IRAK4: variants seen among roughly 807,000 people sequenced by gnomAD.
IRAK4 encodes the protein interleukin 1 receptor associated kinase 4, also known as interleukin-1 receptor-associated kinase 4.
In IRAK4, 44 loss-of-function variants were observed where a neutral mutation model predicts 51.8. The observed-to-expected ratio is 0.85, with a 90% CI of 0.67 to 1.09. The LOEUF is 1.09. Ranked by LOEUF, IRAK4 falls within the 50% of genes least tolerant of loss-of-function variation. The pLI is 0.00. For missense variants in IRAK4, 487 were observed against 538.0 expected, an observed-to-expected ratio of 0.91 and a Z score of 0.94; for synonymous variants, 149 against 174.1, an observed-to-expected ratio of 0.86 and a Z score of 1.13.
chr12:43,782,602 A>C, intron 9 of IRAK4, 112 bp downstream of exon 9: 1 of 928,142 alleles, frequency 1.1e-6, no homozygotes, highest in African/African-American at 1.7e-5. Context: ...GTAACAATAT[A>C]AGTTTTTCAC....
intron 1 of IRAK4, among the ~76,000 whole-genome samples, chr12:43,762,668 A>G (rs906915661): frequency 5.3e-5 from 8 of 152,214 alleles, no homozygotes; most frequent in Admixed American, 3.9e-4. Context: ...GTAAAACATA[A>G]TAATTATTAT....
intron 8 of IRAK4, among the ~76,000 whole-genome samples, chr12:43,780,084 G>C (rs1400401755): frequency 6.6e-6 from 1 of 152,126 alleles, no homozygotes; most frequent in Non-Finnish European, 1.5e-5. Context: ...TGAAAACGAG[G>C]AAAGAAAGTG....
intron 6 of IRAK4, among the ~76,000 whole-genome samples, chr12:43,776,951 T>C (rs1941331592): frequency 6.6e-6 from 1 of 152,242 alleles, no homozygotes. Context: ...CTTGACAGTA[T>C]TAGCATAAAA....
At chr12:43,782,170 CTG>C (rs1941830626) in intron 8 of IRAK4, 135 bp from the exon 9 acceptor site, 4 of 661,796 alleles carry the variant, frequency 6.0e-6, no homozygotes, top group Non-Finnish European at 1.1e-5. Context: ...ACGTTACACT[CTG>C]TAAATATGTA....
Position 43,787,574 on chromosome 12 carries a change from T to C in IRAK4, c.*859T>C, listed in dbSNP as rs964205390. The stretch of plus-strand genomic sequence containing the variant: ...GTTGTCAGCAAGCAGGAAAAAAAAA[T>C]TGGGACCTCAGTTGCAACCACAAGG... On this transcript the variant is annotated 3_prime_UTR_variant, in exon 12 of 12. Coordinates refer to ENST00000613694, the MANE Select transcript of IRAK4 (RefSeq NM_016123.4). 2.6e-5 allele frequency: 4 copies of C among 152,004 alleles called. No homozygotes were observed. Among genetic ancestry groups the C allele is most frequent in the African/African-American group, 7.3e-5 (3 of 41,376 alleles). 9.4% of individuals were successfully genotyped at this position (152,004 alleles called of 1,614,324 possible).
At chr12:43,778,970 G>T (rs1162717068) in intron 8 of IRAK4, among the ~76,000 whole-genome samples, 2 of 152,114 alleles carry the variant, frequency 1.3e-5, no homozygotes, top group East Asian at 3.9e-4. Flanking sequence ...AAGACCAGTG[G>T]TGAGACAGAA....
intron 6 of IRAK4, among the ~76,000 whole-genome samples, chr12:43,775,298 GA>G (rs1941164019): frequency 6.6e-6 from 1 of 152,056 alleles, no homozygotes; most frequent in Admixed American, 6.5e-5. Context: ...GAAAATACAG[GA>G]AAACATTTTT....
At chr12:43,774,640 T>C (rs1428218913) in intron 6 of IRAK4, among the ~76,000 whole-genome samples, 2 of 152,204 alleles carry the variant, frequency 1.3e-5, no homozygotes, top group African/African-American at 4.8e-5. Context: ...GAGAGATCAA[T>C]TGTAGAGATA....
At chr12:43,769,420 G>C (rs1453226625) in intron 2 of IRAK4, among the ~76,000 whole-genome samples, 1 of 138,320 alleles carries the variant, frequency 7.2e-6, no homozygotes, top group Admixed American at 7.0e-5. Flanking sequence ...AACACTTGTG[G>C]AGACCGAGGT....
At chr12:43,765,294 C>T (rs932883771) in intron 1 of IRAK4, among the ~76,000 whole-genome samples, 5 of 152,194 alleles carry the variant, frequency 3.3e-5, no homozygotes, top group South Asian at 4.1e-4. Flanking sequence ...AGGGCACAAA[C>T]GAGATGAATG....
chr12:43,763,058 G>A (rs1047498780), intron 1 of IRAK4, among the ~76,000 whole-genome samples: 14 of 152,180 alleles, frequency 9.2e-5, no homozygotes, highest in Admixed American at 5.9e-4. Flanking sequence ...TCTGGTTGGA[G>A]TCCCTAATGC....
intron 2 of IRAK4, among the ~76,000 whole-genome samples, chr12:43,770,315 A>G (rs921689887): frequency 1.3e-5 from 2 of 152,204 alleles, no homozygotes; most frequent in African/African-American, 4.8e-5. Context: ...AGGTGCATTT[A>G]TTAAAAATTA....
chr12:43,765,704 T>G (rs537343423), intron 1 of IRAK4, among the ~76,000 whole-genome samples: 85 of 152,176 alleles, frequency 5.6e-4, no homozygotes, highest in African/African-American at 2.0e-3. Context: ...TGAAAACCCC[T>G]TATATATGAG....
chr12:43,762,164 A>G (rs544416052), intron 1 of IRAK4, among the ~76,000 whole-genome samples: 3 of 152,312 alleles, frequency 2.0e-5, no homozygotes, highest in South Asian at 2.1e-4. Context: ...TCTTGTAAGT[A>G]TGTGGTTGGG....
intron 1 of IRAK4, among the ~76,000 whole-genome samples, chr12:43,767,376 A>C (rs1940264250): frequency 6.6e-6 from 1 of 152,244 alleles, no homozygotes; most frequent in South Asian, 2.1e-4. Context: ...CCTGGTGTAC[A>C]AGTAAAGTTG....
At chr12:43,774,704 A>G (rs766335304) in intron 6 of IRAK4, among the ~76,000 whole-genome samples, 1 of 152,238 alleles carries the variant, frequency 6.6e-6, no homozygotes, top group Non-Finnish European at 1.5e-5. Context: ...AGTAGCATCT[A>G]TAGAGCAACT....
chr12:43,775,044 A>G (rs1043136978), intron 6 of IRAK4, among the ~76,000 whole-genome samples: 5 of 152,190 alleles, frequency 3.3e-5, no homozygotes, highest in African/African-American at 1.2e-4. Flanking sequence ...TTGATTGCGG[A>G]GCCTGAACTT....
chr12:43,776,868 A>G (rs1226612863), intron 6 of IRAK4, among the ~76,000 whole-genome samples: 1 of 152,280 alleles, frequency 6.6e-6, no homozygotes, highest in Admixed American at 6.5e-5. Context: ...GTGATTAAAG[A>G]TCAAAAACAT....
At position 43,787,373 on chromosome 12, in the gene IRAK4, T is replaced by G. The variant is rs1382393241; in HGVS notation, c.*658T>G. On this transcript the variant is annotated 3_prime_UTR_variant, in exon 12 of 12. Transcript: ENST00000613694. ...GTTACATGACAAAGTTGAAGGAATT[T>G]GGCAGATGCAGTTAAGGTTCCTAAA... is the stretch of plus-strand genomic sequence containing the variant. 6.6e-6 allele frequency: 1 copy of G among 152,398 alleles called. No individual in the cohort carries two copies. Among genetic ancestry groups the G allele is most frequent in the East Asian group, 1.9e-4 (1 of 5,206 alleles). 9.4% of individuals were successfully genotyped at this position (152,398 alleles called of 1,614,324 possible).
Sources: allele counts gnomAD v4.1 joint callset (sites outside exome capture counted in the v4.1 genomes callset), GRCh38; gene constraint gnomAD v4.1.1; transcripts MANE v1.5; gene names NCBI Gene and HGNC (gene_info 2026-07-23, HGNC 2026-07-21).